DIP2C: variants seen among roughly 807,000 people sequenced by gnomAD.
DIP2C encodes disco-interacting protein 2 homolog C.
In DIP2C, 33 loss-of-function variants were observed where a neutral mutation model predicts 192.4. The ratio of observed to expected loss-of-function variants is 0.17; its 90% CI spans 0.13 to 0.23. The LOEUF (loss-of-function observed/expected upper bound fraction) is 0.23, where lower values mean the gene tolerates loss of function less well. DIP2C is among the 10% of genes least tolerant of loss of function. The pLI, the probability that DIP2C is intolerant of heterozygous loss-of-function variation, is 1.00. For synonymous variants in DIP2C, 979 were observed against 864.1 expected, an observed-to-expected ratio of 1.13 and a Z score of -2.33; for missense variants, 1,537 against 2,110.1, an observed-to-expected ratio of 0.73 and a Z score of 5.32.
intron 1 of DIP2C, among the ~76,000 whole-genome samples, chr10:509,345 A>AG (rs138526701): frequency 0.016 from 2,502 of 152,276 alleles, 75 homozygotes; most frequent in African/African-American, 0.057. Flanking sequence ...GACACTAAGG[A>AG]GCTTGTCCAA....
intron 17 of DIP2C, 170 bp downstream of exon 17, chr10:382,477 T>G: frequency 1.7e-6 from 1 of 585,434 alleles, no homozygotes; most frequent in Non-Finnish European, 3.0e-6. Context: ...TCTAGGCTGT[T>G]CAAAAGAATC....
intron 8 of DIP2C, 138 bp downstream of exon 8, chr10:413,775 C>T (rs771623123): frequency 3.0e-4 from 321 of 1,084,868 alleles, no homozygotes; most frequent in Non-Finnish European, 4.1e-4. Context: ...AGTGGCTGCG[C>T]GAGGGCGTGG....
chr10:644,376 T>G (rs1163243460), intron 1 of DIP2C, among the ~76,000 whole-genome samples: 3 of 152,290 alleles, frequency 2.0e-5, no homozygotes, highest in Non-Finnish European at 4.4e-5. Flanking sequence ...AGAGTGAAGC[T>G]GTTGAAAGCC....
At position 513,251 on chromosome 10, in the gene DIP2C, T is replaced by G. The variant is rs1353495486; in HGVS notation, c.86-26721A>C. ...TATGACTCGCTTTAGACAAAAGAAA[T>G]AAACATAAGCTACTAAATTAATGAC... On this transcript the variant is annotated intron_variant, in intron 1 of 36. Coordinates refer to ENST00000280886, the MANE Select transcript of DIP2C (RefSeq NM_014974.3). 2.0e-5 allele frequency among the ~76,000 whole-genome samples: 3 copies of G among 152,192 alleles called. No homozygotes were observed. In the East Asian group the frequency reaches 5.8e-4, roughly 29 times the overall value.
At chr10:413,867 T>C (rs766004666) in intron 8 of DIP2C, 46 bp downstream of exon 8, 17 of 1,590,364 alleles carry the variant, frequency 1.1e-5, no homozygotes, top group Non-Finnish European at 1.5e-5. Flanking sequence ...CGGGAGTGGC[T>C]GTGCGAGGGG....
intron 29 of DIP2C, among the ~76,000 whole-genome samples, chr10:334,798 C>T (rs1957678206): frequency 6.6e-6 from 1 of 152,178 alleles, no homozygotes; most frequent in Non-Finnish European, 1.5e-5. Flanking sequence ...ATCACTCTAT[C>T]TCAATGCCAG....
chr10:601,560 C>T (rs2131700949), intron 1 of DIP2C, among the ~76,000 whole-genome samples: 1 of 152,352 alleles, frequency 6.6e-6, no homozygotes, highest in East Asian at 1.9e-4. Flanking sequence ...ATTCCCACTT[C>T]TGGAAACAGC....
At chr10:472,336 G>T in intron 3 of DIP2C, 103 bp downstream of exon 3, 3 of 1,057,508 alleles carry the variant, frequency 2.8e-6, no homozygotes, top group South Asian at 1.4e-5. Flanking sequence ...CGTGCTGCAG[G>T]TCCACGCCCA....
intron 1 of DIP2C, among the ~76,000 whole-genome samples, chr10:606,160 C>T (rs866596632): frequency 6.6e-6 from 1 of 152,252 alleles, no homozygotes; most frequent in Non-Finnish European, 1.5e-5. Flanking sequence ...TCTAAGTTGT[C>T]CTCAGAACGA....
In DIP2C at chr10:366,346, G is replaced by A. The variant is rs1400318198; in HGVS notation, c.2197C>T (p.Leu733=). The change falls in exon 19 of 37, where the codon CTG becomes TTG. Residue 733 remains leucine, a synonymous_variant. Coordinates refer to ENST00000280886, the MANE Select transcript of DIP2C (RefSeq NM_014974.3). ...QLCRTDEIGE[L]CVCAVATGTS... ...CCCGTCGCAACTGCACACACACACAGCTCCCCGATCTCATCCGTTCTGCAC... is the reference window on the plus strand; with the variant it reads ...CCCGTCGCAACTGCACACACACACAACTCCCCGATCTCATCCGTTCTGCAC... The A allele has an allele frequency of 1.9e-6, 3 of 1,614,026 alleles. No homozygotes were observed. In the African/African-American group the frequency reaches 4.0e-5, roughly 22 times the overall value.
At chr10:481,069 C>T (rs1311340057) in intron 2 of DIP2C, among the ~76,000 whole-genome samples, 1 of 152,072 alleles carries the variant, frequency 6.6e-6, no homozygotes, top group South Asian at 2.1e-4. Context: ...CTCCCCAGCA[C>T]GTCTAGGAAG....
rs532220120 is a variant in DIP2C, at chr10:461,194, A to G, written c.268+11245T>C. Among the ~76,000 whole-genome samples the G allele has an allele frequency of 2.6e-4, 40 of 152,240 alleles. 1 individual carries two copies. Among genetic ancestry groups the G allele is most frequent in the Non-Finnish European group, 5.0e-4 (34 of 68,042 alleles). On this transcript the variant is annotated intron_variant, in intron 3 of 36. Transcript: ENST00000280886. ...CATAATGACAGGATCGAATTCACAC[A>G]TAACAATATTAACCTTAAATGTAAA...
chr10:559,847 C>T (rs781211993), intron 1 of DIP2C, among the ~76,000 whole-genome samples: 1 of 152,228 alleles, frequency 6.6e-6, no homozygotes, highest in Non-Finnish European at 1.5e-5. Flanking sequence ...ACAGCACGGT[C>T]CAGCCACACC....
intron 1 of DIP2C, among the ~76,000 whole-genome samples, chr10:577,858 T>G (rs1020494336): frequency 2.6e-5 from 4 of 151,622 alleles, no homozygotes; most frequent in African/African-American, 9.7e-5. Context: ...AAGAAAGAAC[T>G]TAAGAACCTT....
Position 527,852 on chromosome 10 carries a change from T to C in DIP2C, c.86-41322A>G, listed in dbSNP as rs1847148009. Among the ~76,000 whole-genome samples the C allele has an allele frequency of 2.0e-5, 3 of 152,314 alleles. No homozygotes were observed. The South Asian group carries it at 6.2e-4, about 32-fold the overall frequency. Reference sequence around the variant, plus strand: ...CATAATCAGCCATCCTTCCCGTCCCTGGGCCAGCTGCGGTGAGTGCAGCCA... The same window carrying C: ...CATAATCAGCCATCCTTCCCGTCCCCGGGCCAGCTGCGGTGAGTGCAGCCA... On this transcript the variant is annotated intron_variant, in intron 1 of 36. Transcript: ENST00000280886.
intron 28 of DIP2C, 48 bp downstream of exon 28, chr10:344,761 C>A (rs777625826): frequency 1.3e-6 from 2 of 1,504,776 alleles, no homozygotes; most frequent in Non-Finnish European, 1.8e-6. Flanking sequence ...ACCTCCAGCA[C>A]GCTCCGCAGT....
chr10:680,050 G>A (rs1219042207), intron 1 of DIP2C, among the ~76,000 whole-genome samples: 1 of 152,144 alleles, frequency 6.6e-6, no homozygotes, highest in African/African-American at 2.4e-5. Context: ...GGAGGGATGG[G>A]CTTGCTTACC....
chr10:388,502 A>AG (rs1726400513), intron 13 of DIP2C, among the ~76,000 whole-genome samples: 2 of 152,202 alleles, frequency 1.3e-5, no homozygotes, highest in African/African-American at 2.4e-5. Flanking sequence ...AATAGACAGG[A>AG]GGCTTTCACA....
chr10:293,177 G>A (rs949396436), intron 32 of DIP2C, among the ~76,000 whole-genome samples: 6 of 152,200 alleles, frequency 3.9e-5, no homozygotes, highest in Non-Finnish European at 5.9e-5. Flanking sequence ...CCACTACTCA[G>A]CACTGGCCTG....
Sources: allele counts gnomAD v4.1 joint callset (sites outside exome capture counted in the v4.1 genomes callset), GRCh38; gene constraint gnomAD v4.1.1; transcripts MANE v1.5; gene names NCBI Gene and HGNC (gene_info 2026-07-23, HGNC 2026-07-21).